Variants in ZNF277 observed in about 807,000 individuals in gnomAD.
ZNF277 encodes the protein nuclear receptor-interacting factor 4.
A neutral mutation model predicts 60.7 loss-of-function variants in ZNF277; 55 were observed. The observed-to-expected ratio is 0.91, with a 90% confidence interval of 0.73 to 1.13. The LOEUF (loss-of-function observed/expected upper bound fraction) is 1.13. Ranked by LOEUF, ZNF277 falls within the 50% of genes most tolerant of loss-of-function variation. The probability of loss-of-function intolerance (pLI) is 0.00; values close to 1 mark genes in which losing one functional copy is unlikely to be tolerated. For synonymous variants in ZNF277, 178 were observed against 179.3 expected (o/e 0.99, Z 0.06); for missense variants, 510 against 523.0 (o/e 0.98, Z 0.24).
intron 1 of ZNF277, among the ~76,000 whole-genome samples, chr7:112,211,942 C>G (rs2116947150): frequency 6.6e-6 from 1 of 152,288 alleles, no homozygotes; most frequent in South Asian, 2.1e-4. Context: ...TTAGAATATG[C>G]TTGAAATTTA....
At chr7:112,215,676 A>G (rs1821860570) in intron 1 of ZNF277, among the ~76,000 whole-genome samples, 1 of 152,188 alleles carries the variant, frequency 6.6e-6, no homozygotes, top group Non-Finnish European at 1.5e-5. Flanking sequence ...AAGAAAGGAA[A>G]TTCTTGTTTT....
In ZNF277 at chr7:112,286,900, T is replaced by C. The variant is rs1242911692; in HGVS notation, c.119T>C (p.Leu40Pro). 1.3e-6 allele frequency: 2 copies of C among 1,591,538 alleles called. No homozygotes were observed. The highest frequency in any genetic ancestry group is 3.4e-5 in the Admixed American group (2 of 58,398). ...AGTAAGGATTGTATCCTGGAGCCGC[T>C]TTCCCTGCCAGAAAGTCCAGGTGGC... The part of the protein sequence containing the change: ...GDSKDCILEP[L>P]SLPESPGGTT... Residue 40 changes from leucine (L) to proline (P), a missense_variant, in exon 2 of 12, where the codon CTT becomes CCT. Leu to Pro is a moderately conservative substitution (Grantham distance 98). Coordinates refer to ENST00000361822, the MANE Select transcript of ZNF277 (RefSeq NM_021994.3).
At chr7:112,273,295 C>T (rs1403608205) in intron 1 of ZNF277, among the ~76,000 whole-genome samples, 1 of 152,130 alleles carries the variant, frequency 6.6e-6, no homozygotes, top group Non-Finnish European at 1.5e-5. Context: ...GTGCACCTGC[C>T]GAGTTCTGCC....
intron 1 of ZNF277, among the ~76,000 whole-genome samples, chr7:112,255,063 T>TG (rs1206743950): frequency 6.6e-6 from 1 of 152,190 alleles, no homozygotes; most frequent in African/African-American, 2.4e-5. Flanking sequence ...TAAAAGTGTG[T>TG]GGTTTTTTTC....
intron 1 of ZNF277, among the ~76,000 whole-genome samples, chr7:112,259,223 T>C (rs559974095): frequency 6.6e-6 from 1 of 152,280 alleles, no homozygotes; most frequent in South Asian, 2.1e-4. Context: ...TAAAATACAA[T>C]AAATTTTTAT....
intron 1 of ZNF277, among the ~76,000 whole-genome samples, chr7:112,213,156 G>A (rs1181872699): frequency 6.6e-6 from 1 of 152,146 alleles, no homozygotes; most frequent in Non-Finnish European, 1.5e-5. Context: ...CATGAGATCT[G>A]ATGGTTTTAA....
intron 4 of ZNF277, among the ~76,000 whole-genome samples, chr7:112,308,993 T>C (rs1290307310): frequency 6.6e-6 from 1 of 152,066 alleles, no homozygotes; most frequent in Non-Finnish European, 1.5e-5. Context: ...GATTCTTCTG[T>C]TTATCTTTGT....
intron 7 of ZNF277, 97 bp downstream of exon 7, chr7:112,330,313 A>C (rs774622590): frequency 1.6e-6 from 2 of 1,269,126 alleles, no homozygotes; most frequent in South Asian, 2.5e-5. Flanking sequence ...ATTATTGCAA[A>C]AGTCAAAATG....
intron 4 of ZNF277, among the ~76,000 whole-genome samples, chr7:112,316,272 T>C (rs1470552044): frequency 6.6e-6 from 1 of 152,112 alleles, no homozygotes; most frequent in South Asian, 2.1e-4. Context: ...AAAATTGTCT[T>C]TTAAGAAGTG....
chr7:112,232,012 A>G (rs912906481), intron 1 of ZNF277, among the ~76,000 whole-genome samples: 7 of 147,148 alleles, frequency 4.8e-5, no homozygotes, highest in Middle Eastern at 7.2e-3. Context: ...CAGCAACAGT[A>G]TTGGGAACTG....
At chr7:112,273,688 C>T (rs889722632) in intron 1 of ZNF277, among the ~76,000 whole-genome samples, 2 of 152,120 alleles carry the variant, frequency 1.3e-5, no homozygotes, top group African/African-American at 4.8e-5. Flanking sequence ...ACATAACCAC[C>T]CTCTCTGGTG....
At chr7:112,320,038 C>T (rs1442600815) in intron 5 of ZNF277, among the ~76,000 whole-genome samples, 3 of 152,056 alleles carry the variant, frequency 2.0e-5, no homozygotes, top group African/African-American at 4.8e-5. Flanking sequence ...TCAGAGATCT[C>T]TCATATCGGC....
At chr7:112,322,520 A>G (rs1424900445) in intron 5 of ZNF277, among the ~76,000 whole-genome samples, 1 of 152,086 alleles carries the variant, frequency 6.6e-6, no homozygotes, top group Non-Finnish European at 1.5e-5. Flanking sequence ...TTTAAAAAAA[A>G]TACTTTCTGG....
At chr7:112,275,699 G>C (rs1171787352) in intron 1 of ZNF277, among the ~76,000 whole-genome samples, 3 of 151,992 alleles carry the variant, frequency 2.0e-5, no homozygotes, top group Non-Finnish European at 4.4e-5. Context: ...ATTTCAAAAA[G>C]CTGCTTCCAC....
chr7:112,339,817 T>A, intron 9 of ZNF277, 26 bp from the exon 10 acceptor site: 1 of 1,601,866 alleles, frequency 6.2e-7, no homozygotes, highest in Non-Finnish European at 8.5e-7. Context: ...TTCATATGCT[T>A]ACAGATGTAT....
chr7:112,240,166 C>A (rs914058797), intron 1 of ZNF277, among the ~76,000 whole-genome samples: 7 of 151,980 alleles, frequency 4.6e-5, no homozygotes, highest in Non-Finnish European at 1.0e-4. Flanking sequence ...CCTTTATGAA[C>A]ACGAAGACTA....
chr7:112,330,241 A>C (rs1563231427), intron 7 of ZNF277, 25 bp downstream of exon 7: 3 of 1,609,292 alleles, frequency 1.9e-6, no homozygotes, highest in Middle Eastern at 3.3e-4. Context: ...TCATAACTTA[A>C]AATTTGATTG....
At position 112,326,434 on chromosome 7, in the gene ZNF277, C is replaced by G. The variant is rs566991193; in HGVS notation, c.558-1283C>G. Among the ~76,000 whole-genome samples the G allele has an allele frequency of 7.2e-5, 11 of 152,192 alleles. No individual in the cohort carries two copies. The East Asian group carries it at 2.1e-3, about 29-fold the overall frequency. ...CAAGAGGCTCTCAGCTCTGCTTTCA[C>G]CTGAACTCTTCCACAGCCTGAGCCT... On this transcript the variant is annotated intron_variant, in intron 5 of 11. Transcript: ENST00000361822.
chr7:112,290,969 A>T (rs1792193056), intron 2 of ZNF277, among the ~76,000 whole-genome samples: 2 of 152,206 alleles, frequency 1.3e-5, no homozygotes, highest in African/African-American at 4.8e-5. Flanking sequence ...GATAATGAAG[A>T]TGATAATAAA....
Sources: gnomAD v4.1 joint callset for allele counts (sites outside exome capture counted in the v4.1 genomes callset) on GRCh38, gnomAD v4.1.1 for gene constraint, MANE v1.5 for transcripts, NCBI Gene and HGNC (gene_info 2026-07-23, HGNC 2026-07-21) for gene names.